The following TTC12 variants were observed in gnomAD, a reference collection of about 807,000 sequenced individuals.
TTC12 encodes tetratricopeptide repeat protein 12.
Under a neutral mutation model 90.1 loss-of-function variants are expected in TTC12, and 70 were observed. The observed-to-expected ratio is 0.78, with a 90% CI of 0.64 to 0.95. The LOEUF (loss-of-function observed/expected upper bound fraction) is 0.95. Among genes scored for constraint, TTC12 ranks in the 40% least tolerant of loss-of-function variants. TTC12 has a pLI of 0.00. For missense variants in TTC12, 819 were observed against 846.1 expected (o/e 0.97, Z 0.40); for synonymous variants, 296 against 311.5 (o/e 0.95, Z 0.53).
rs1555149493 is a variant in TTC12, at chr11:113,350,055, T to G, written c.1155-18T>G. The stretch of plus-strand genomic sequence containing the variant: ...GTTGGAGGACAGCTACCTCTGAGGT[T>G]ATTATGGTTTTTTGCAGATTATTGG... On this transcript the variant is annotated intron_variant, in intron 13 of 21. Coordinates refer to ENST00000529221, the MANE Select transcript of TTC12 (RefSeq NM_017868.4). 8.7e-6 allele frequency: 14 copies of G among 1,605,448 alleles called. No homozygotes were observed. The highest frequency in any genetic ancestry group is 8.5e-6 in the Non-Finnish European group (10 of 1,172,248).
intron 2 of TTC12, 36 bp from the exon 3 acceptor site, chr11:113,323,252 C>G (rs978289533): frequency 2.7e-6 from 4 of 1,485,926 alleles, no homozygotes; most frequent in Middle Eastern, 1.8e-4. Flanking sequence ...TTTTGAATAT[C>G]TTGTTTGATT....
intron 2 of TTC12, among the ~76,000 whole-genome samples, chr11:113,319,755 G>A (rs1275844378): frequency 6.6e-6 from 1 of 152,102 alleles, no homozygotes; most frequent in East Asian, 1.9e-4. Flanking sequence ...TCAATGCATG[G>A]AGGTTTTCGT....
intron 2 of TTC12, among the ~76,000 whole-genome samples, chr11:113,322,091 G>T (rs542466844): frequency 2.4e-4 from 37 of 152,164 alleles, no homozygotes; most frequent in Middle Eastern, 3.4e-3. Context: ...CTTATAAATG[G>T]CATAGAAACA....
rs782342929 is a variant in TTC12 at position 113,316,631 on chromosome 11, TC to T, written c.58+319del. ...CCCCATTGACAATGAACCCAGCTGTTCCCTTCAAGGGTCAAGAACCTCATTG... is the reference window on the plus strand; with the variant it reads ...CCCCATTGACAATGAACCCAGCTGTTCCTTCAAGGGTCAAGAACCTCATTG... On this transcript the variant is annotated intron_variant, in intron 2 of 21. Transcript: ENST00000529221. 2.6e-5 allele frequency among the ~76,000 whole-genome samples: 4 copies of T among 152,374 alleles called. No individual in the cohort carries two copies. In the South Asian group the frequency reaches 8.3e-4, roughly 32 times the overall value.
rs1565603506 is a variant in TTC12, at chr11:113,344,298, C to T, written c.1012C>T (p.His338Tyr). 6.2e-7 allele frequency: 1 copy of T among 1,613,934 alleles called. No homozygotes were observed. Residue 338 changes from histidine (H) to tyrosine (Y), a missense_variant, in exon 13 of 22, where the codon CAC (histidine) becomes TAC (tyrosine). His to Tyr is a moderately conservative substitution (Grantham distance 83). Transcript: ENST00000529221. The stretch of plus-strand genomic sequence containing the variant: ...GGAAAACCAGCGTGTGCTAGTGATA[C>T]ACCATGACAGGGCCAGGCTGTTGGC... ...NEENQRVLVIHHDRARLLAAL... is the reference protein window; with the variant it reads ...NEENQRVLVIYHDRARLLAAL...
chr11:113,320,599 CTGAT>C (rs1309451086), intron 2 of TTC12, among the ~76,000 whole-genome samples: 1 of 152,174 alleles, frequency 6.6e-6, no homozygotes, highest in Non-Finnish European at 1.5e-5. Flanking sequence ...TGTGTGTGAC[CTGAT>C]TCTTCCGGGG....
intron 2 of TTC12, among the ~76,000 whole-genome samples, chr11:113,319,663 A>G (rs574763093): frequency 1.9e-3 from 293 of 150,968 alleles, no homozygotes; most frequent in African/African-American, 6.8e-3. Flanking sequence ...AAGAAGAGCC[A>G]AGAAAACTCT....
At chr11:113,331,369 CAAACAA>C in intron 7 of TTC12, among the ~76,000 whole-genome samples, 1 of 152,154 alleles carries the variant, frequency 6.6e-6, no homozygotes, top group African/African-American at 2.4e-5. Flanking sequence ...GTAATAACAG[CAAACAA>C]CATCATTTGC....
At position 113,364,743 on chromosome 11, in the gene TTC12, G is replaced by A. The variant is rs115023391; in HGVS notation, c.1817-92G>A. Reference sequence around the variant, plus strand: ...GAGTTACTGGGGAAGCTCGGTGTCCGCTGACATCTCCCTGCACCCCTCATG... The same window carrying A: ...GAGTTACTGGGGAAGCTCGGTGTCCACTGACATCTCCCTGCACCCCTCATG... On this transcript the variant is annotated intron_variant, in intron 20 of 21. Transcript: ENST00000529221. 5,828 of 1,010,144 alleles carry A rather than the reference G, an allele frequency of 5.8e-3. 209 individuals carry two copies. The African/African-American group carries it at 0.082, about 14-fold the overall frequency. The allele number at this position is 1,010,144 out of a possible 1,614,324, so 62.6% of individuals were successfully genotyped here.
chr11:113,328,186 T>G (rs944864248), intron 6 of TTC12, among the ~76,000 whole-genome samples: 1 of 152,206 alleles, frequency 6.6e-6, no homozygotes. Context: ...TGCTTGGCTA[T>G]CCTTTCGTAC....
intron 18 of TTC12, among the ~76,000 whole-genome samples, chr11:113,361,884 C>G (rs1555155202): frequency 2.0e-5 from 3 of 149,826 alleles, no homozygotes; most frequent in Non-Finnish European, 4.4e-5. Flanking sequence ...AAAATAGTAA[C>G]TATCATTTGT....
At position 113,339,431 on chromosome 11, in the gene TTC12, C is replaced by T; in HGVS notation, c.783C>T (p.Phe261=). 1 of 1,613,486 alleles carries T rather than the reference C, an allele frequency of 6.2e-7. No homozygotes were observed. The highest frequency in any genetic ancestry group is 8.5e-7 in the Non-Finnish European group (1 of 1,179,848). ...CCAAGCCTGACCAGATCCCCTTGTT[C>T]TATGCTGGGGGGATTGAGATCCTGA... The part of the protein sequence containing the change: ...TLSKPDQIPL[F]YAGGIEILTE... Residue 261 remains phenylalanine (F), a synonymous_variant, in exon 10 of 22, where the codon TTC becomes TTT. Transcript: ENST00000529221.
rs1555147187 is a variant in TTC12 at position 113,344,291 on chromosome 11, A to G, written c.1005A>G (p.Leu335=). 1.2e-6 allele frequency: 2 copies of G among 1,613,742 alleles called. No individual in the cohort carries two copies. Among genetic ancestry groups the G allele is most frequent in the Admixed American group, 3.3e-5 (2 of 59,972 alleles). ...TTGCAGAGGAAAACCAGCGTGTGCT[A>G]GTGATACACCATGACAGGGCCAGGC... ...CSRNEENQRV[L]VIHHDRARLL... is the part of the protein sequence containing the mutation. Residue 335 remains leucine, a synonymous_variant, in exon 13 of 22, where the codon CTA becomes CTG. Coordinates refer to ENST00000529221, the MANE Select transcript of TTC12 (RefSeq NM_017868.4).
chr11:113,325,579 CCTGCGCTA>C lies in TTC12; in HGVS notation c.380_387del (p.Leu127GlnfsTer2). ...CTGAAGGCAATTATGAAACAGCTAT[CCTGCGCTA>C]CAGTGAGGGTTTGGAGAAGCTGAAG... is the stretch of plus-strand genomic sequence containing the variant. On this transcript the variant is annotated frameshift_variant, in exon 6 of 22. Coordinates refer to ENST00000529221, the MANE Select transcript of TTC12 (RefSeq NM_017868.4). LOFTEE classifies it high-confidence loss of function. 6.2e-7 allele frequency: 1 copy of C among 1,613,968 alleles called. No individual in the cohort carries two copies. Among genetic ancestry groups the C allele is most frequent in the Non-Finnish European group, 8.5e-7 (1 of 1,179,874 alleles).
At position 113,364,901 on chromosome 11, in the gene TTC12, G is replaced by A; in HGVS notation, c.1883G>A (p.Cys628Tyr). Residue 628 changes from cysteine to tyrosine, a missense_variant, in exon 21 of 22, where the codon TGC becomes TAC. Physicochemically the swap from Cys to Tyr is radical, Grantham distance 194. Coordinates refer to ENST00000529221, the MANE Select transcript of TTC12 (RefSeq NM_017868.4). ...GTTCTGGTGGGCAACGCTGCCCTCTGCCTTGGTAACTGCATGGAGGTGCCC... is the reference window on the plus strand; with the variant it reads ...GTTCTGGTGGGCAACGCTGCCCTCTACCTTGGTAACTGCATGGAGGTGCCC... ...DEVLVGNAALCLGNCMEVPNV... is the reference protein window; with the variant it reads ...DEVLVGNAALYLGNCMEVPNV... 1 of 1,614,196 alleles carries A rather than the reference G, an allele frequency of 6.2e-7. No homozygotes were observed. Among genetic ancestry groups the A allele is most frequent in the Non-Finnish European group, 8.5e-7 (1 of 1,180,036 alleles).
chr11:113,321,136 A>G (rs1464349249), intron 2 of TTC12, among the ~76,000 whole-genome samples: 2 of 152,262 alleles, frequency 1.3e-5, no homozygotes, highest in Non-Finnish European at 2.9e-5. Flanking sequence ...GTGCAAATCA[A>G]TAAGAAGATG....
At chr11:113,350,502 G>A (rs545292028) in intron 14 of TTC12, among the ~76,000 whole-genome samples, 8 of 152,282 alleles carry the variant, frequency 5.3e-5, no homozygotes, top group East Asian at 3.9e-4. Context: ...GCAAATTTGC[G>A]TTGAATGAAC....
rs1360830502 is a variant in TTC12 at position 113,339,458 on chromosome 11, T to C, written c.810T>C (p.Thr270=). The C allele has an allele frequency of 2.5e-6, 4 of 1,610,560 alleles. No individual in the cohort carries two copies. Among genetic ancestry groups the C allele is most frequent in the Non-Finnish European group, 2.5e-6 (3 of 1,179,072 alleles). ...LFYAGGIEIL[T]EMINECTEQT... ...ATGCTGGGGGGATTGAGATCCTGACTGAAATGATAAATGAGTGTAAGCCAG... is the reference window on the plus strand; with the variant it reads ...ATGCTGGGGGGATTGAGATCCTGACCGAAATGATAAATGAGTGTAAGCCAG... The change falls in exon 10 of 22, where the codon ACT becomes ACC. Residue 270 remains threonine (T), a synonymous_variant. Coordinates refer to ENST00000529221, the MANE Select transcript of TTC12 (RefSeq NM_017868.4).
At position 113,363,878 on chromosome 11, in the gene TTC12, C is replaced by T. The variant is rs781405921; in HGVS notation, c.1767C>T (p.Cys589=). ...SRYAIKILAI[C]TNSYHEAREE... ...ATGCTATAAAGATACTAGCTATCTG[C>T]ACGAATAGTTATCATGAAGCTCGGG... The change falls in exon 20 of 22, where the codon TGC becomes TGT. Residue 589 remains cysteine, a synonymous_variant. Transcript: ENST00000529221. 2.1e-5 allele frequency: 34 copies of T among 1,613,686 alleles called. No homozygotes were observed. Among genetic ancestry groups the T allele is most frequent in the African/African-American group, 2.7e-5 (2 of 74,910 alleles).
Sources: allele counts gnomAD v4.1 joint callset (sites outside exome capture counted in the v4.1 genomes callset), GRCh38; gene constraint gnomAD v4.1.1; transcripts MANE v1.5; gene names NCBI Gene and HGNC (gene_info 2026-07-23, HGNC 2026-07-21).